UCMA: variants seen among roughly 807,000 people sequenced by gnomAD.
UCMA encodes upper zone of growth plate and cartilage matrix-associated protein.
In UCMA, 21 loss-of-function variants were observed where a neutral mutation model predicts 21.8. The ratio of observed to expected loss-of-function variants is 0.97; its 90% CI spans 0.68 to 1.39. The LOEUF (loss-of-function observed/expected upper bound fraction) is 1.39, where lower values mean the gene tolerates loss of function less well. Ranked by LOEUF, UCMA falls within the 40% of genes most tolerant of loss-of-function variation. UCMA has a pLI of 0.00. For synonymous variants in UCMA, 76 were observed against 67.9 expected (o/e 1.12, Z -0.58); for missense variants, 193 against 178.9 (o/e 1.08, Z -0.45).
Position 13,234,266 on chromosome 10 carries a change from G to A in UCMA, c.-8C>T. 3.1e-6 allele frequency: 5 copies of A among 1,613,666 alleles called. No homozygotes were observed. The highest frequency in any genetic ancestry group is 4.2e-6 in the Non-Finnish European group (5 of 1,179,962). On this transcript the variant is annotated 5_prime_UTR_variant, in exon 1 of 5. Transcript: ENST00000378681. Reference sequence around the variant, plus strand: ...GGCCTGTCTCCAAGTCATCTTTGCAGAGGTAGGGGCTCCGTCCAGGACCCA... The same window carrying A: ...GGCCTGTCTCCAAGTCATCTTTGCAAAGGTAGGGGCTCCGTCCAGGACCCA...
chr10:13,227,358 C>T (rs1240383599), intron 4 of UCMA, among the ~76,000 whole-genome samples: 1 of 152,200 alleles, frequency 6.6e-6, no homozygotes, highest in East Asian at 1.9e-4. Flanking sequence ...AGTTCACGTG[C>T]ACCCAGGAGG....
intron 4 of UCMA, 75 bp from the exon 5 acceptor site, chr10:13,222,275 C>A (rs763807272): frequency 1.6e-5 from 22 of 1,403,506 alleles, no homozygotes; most frequent in Non-Finnish European, 2.0e-5. Flanking sequence ...AGCCATCAGC[C>A]GAACCCCTGC....
intron 4 of UCMA, among the ~76,000 whole-genome samples, chr10:13,223,884 A>G (rs1831889488): frequency 6.6e-6 from 1 of 151,950 alleles, no homozygotes; most frequent in Admixed American, 6.6e-5. Flanking sequence ...ACAAAAAAAA[A>G]AAGAGGTTGC....
chr10:13,222,162 G>A lies in UCMA; in HGVS notation c.358C>T (p.Arg120Cys), dbSNP rs147328988. 1.4e-4 allele frequency: 220 copies of A among 1,614,080 alleles called. 3 individuals are homozygous for A. In the South Asian group the frequency reaches 1.9e-3, roughly 14 times the overall value. Residue 120 changes from arginine (R) to cysteine (C), a missense_variant, in exon 5 of 5, where the codon CGC becomes TGC. Coordinates refer to ENST00000378681, the MANE Select transcript of UCMA (RefSeq NM_145314.3). ...TGCAGGCCGTCATAGTGCCACTGGC[G>A]CCACTGCTCCACAGCCTCCCGGCTC... is the stretch of plus-strand genomic sequence containing the variant. ...ERSREAVEQWRQWHYDGLHPS... is the reference protein window; with the variant it reads ...ERSREAVEQWCQWHYDGLHPS...
At chr10:13,229,146 G>T (rs1834863053) in intron 4 of UCMA, among the ~76,000 whole-genome samples, 1 of 152,022 alleles carries the variant, frequency 6.6e-6, no homozygotes, top group African/African-American at 2.4e-5. Context: ...ATGTTGGCCA[G>T]GTTGGTCTCA....
Position 13,222,096 on chromosome 10 carries a change from G to T in UCMA, c.*7C>A, listed in dbSNP as rs201983627. 1 of 1,614,010 alleles carries T rather than the reference G, an allele frequency of 6.2e-7. No homozygotes were observed. Among genetic ancestry groups the T allele is most frequent in the Non-Finnish European group, 8.5e-7 (1 of 1,179,982 alleles). On this transcript the variant is annotated 3_prime_UTR_variant, in exon 5 of 5. Coordinates refer to ENST00000378681, the MANE Select transcript of UCMA (RefSeq NM_145314.3). The stretch of plus-strand genomic sequence containing the variant: ...GCTTTGTCTTCTTGGCCGGCTTCAG[G>T]ATGGGATCAGGTGTGGTGGCGGTTG...
chr10:13,222,240 A>T lies in UCMA; in HGVS notation c.320-40T>A, dbSNP rs547624060. 3.8e-6 allele frequency: 6 copies of T among 1,566,242 alleles called. No homozygotes were observed. The East Asian group carries it at 1.1e-4, about 29-fold the overall frequency. ...CAAAGCCACCTGTTAGGACAGGGGG[A>T]CTCTGACCTGCCACTGAGCCCAGCA... On this transcript the variant is annotated intron_variant, in intron 4 of 4. Transcript: ENST00000378681.
intron 4 of UCMA, among the ~76,000 whole-genome samples, chr10:13,224,654 C>T (rs1834801153): frequency 6.6e-6 from 1 of 152,196 alleles, no homozygotes; most frequent in Non-Finnish European, 1.5e-5. Flanking sequence ...AAACTGGCAT[C>T]CTCTGTGGCG....
At position 13,234,245 on chromosome 10, in the gene UCMA, T is replaced by G. The variant is rs1588492732; in HGVS notation, c.14A>C (p.Gln5Pro). ...GGAGAAGCAAGACAGCAGGACGGCC[T>G]GTCTCCAAGTCATCTTTGCAGAGGT... MTWR[Q>P]AVLLSCFSAV... is the part of the protein sequence containing the mutation. Residue 5 changes from glutamine to proline, a missense_variant, in exon 1 of 5, where the codon CAG (glutamine) becomes CCG (proline). Gln to Pro is a moderately conservative substitution (Grantham distance 76). Coordinates refer to ENST00000378681, the MANE Select transcript of UCMA (RefSeq NM_145314.3). The G allele has an allele frequency of 6.2e-7, 1 of 1,613,894 alleles. No individual in the cohort carries two copies.
intron 4 of UCMA, among the ~76,000 whole-genome samples, chr10:13,228,731 A>C (rs1834857531): frequency 6.6e-6 from 1 of 152,048 alleles, no homozygotes; most frequent in Non-Finnish European, 1.5e-5. Flanking sequence ...AGCTAAGCCT[A>C]AGTGTTGGTG....
At chr10:13,226,710 G>T (rs4750319) in intron 4 of UCMA, among the ~76,000 whole-genome samples, 3 of 151,930 alleles carry the variant, frequency 2.0e-5, no homozygotes, top group African/African-American at 7.3e-5. Flanking sequence ...CACTTACAGT[G>T]CCTGGCAGAG....
At position 13,233,579 on chromosome 10, in the gene UCMA, C is replaced by A; in HGVS notation, c.179G>T (p.Arg60Met). The A allele has an allele frequency of 6.2e-7, 1 of 1,614,086 alleles. No individual in the cohort carries two copies. The highest frequency in any genetic ancestry group is 1.3e-5 in the African/African-American group (1 of 74,994). ...GGACTTGGGGGACCGCTTGCCGCGC[C>A]TCTTGAGGAAATTCGAGGCATCTGA... The part of the protein sequence containing the change: ...QESDASNFLK[R>M]RGKRSPKSRD... Residue 60 changes from arginine (R) to methionine (M), a missense_variant, in exon 3 of 5, where the codon AGG (arginine) becomes ATG (methionine). Physicochemically the swap from Arg to Met is moderately conservative, Grantham distance 91. Coordinates refer to ENST00000378681, the MANE Select transcript of UCMA (RefSeq NM_145314.3).
rs974712840 is a variant in UCMA, at chr10:13,234,296, G to T, written c.-38C>A. 1.9e-6 allele frequency: 3 copies of T among 1,608,218 alleles called. No individual in the cohort carries two copies. Among genetic ancestry groups the T allele is most frequent in the Admixed American group, 3.4e-5 (2 of 59,334 alleles). On this transcript the variant is annotated 5_prime_UTR_variant, in exon 1 of 5. Coordinates refer to ENST00000378681, the MANE Select transcript of UCMA (RefSeq NM_145314.3). The stretch of plus-strand genomic sequence containing the variant: ...AGGGGCTCCGTCCAGGACCCACAAG[G>T]CAGACCAGGCGTCCTGCACCCTTTG...
rs1834843655 is a variant in UCMA at position 13,227,782 on chromosome 10, T to TCACA, written c.319+1828_319+1829insTGTG. Among the ~76,000 whole-genome samples, 5 of 90,286 alleles carry TCACA rather than the reference T, an allele frequency of 5.5e-5. No homozygotes were observed. The South Asian group carries it at 1.9e-3, about 34-fold the overall frequency. The allele number at this position is 90,286 out of a possible 152,430, so 59.2% of individuals were successfully genotyped here. ...CACACACACACACACACACACACAT[T>TCACA]CTCTGGTATGCTGGTGTGATCCCCA... On this transcript the variant is annotated intron_variant, in intron 4 of 4. Transcript: ENST00000378681.
chr10:13,222,230 G>C (rs778935164), intron 4 of UCMA, 30 bp from the exon 5 acceptor site: 1 of 1,601,526 alleles, frequency 6.2e-7, no homozygotes. Flanking sequence ...CCACCTGTTA[G>C]GACAGGGGGA....
In UCMA at chr10:13,233,480, G is replaced by A. The variant is rs530207876; in HGVS notation, c.220+58C>T. The A allele has an allele frequency of 3.5e-4, 483 of 1,377,926 alleles. 2 individuals are homozygous for A. In the African/African-American group the frequency reaches 5.0e-3, roughly 14 times the overall value. The allele number at this position is 1,377,926 out of a possible 1,614,324, so 85.4% of individuals were successfully genotyped here. ...GGCTGACTGTGGGAGAGGAGGAGCC[G>A]GGGGGTGTGAGCAGAGGTGGTGATG... On this transcript the variant is annotated intron_variant, in intron 3 of 4. Transcript: ENST00000378681.
intron 4 of UCMA, among the ~76,000 whole-genome samples, chr10:13,223,336 A>G (rs572739895): frequency 6.6e-6 from 1 of 152,322 alleles, no homozygotes; most frequent in South Asian, 2.1e-4. Flanking sequence ...CAACAGTTAC[A>G]GCAGCCAAGA....
intron 3 of UCMA, among the ~76,000 whole-genome samples, chr10:13,230,832 G>A (rs925179545): frequency 4.6e-5 from 7 of 152,150 alleles, no homozygotes; most frequent in South Asian, 2.1e-4. Flanking sequence ...CGAGGCGGGC[G>A]GATCACTTGA....
intron 2 of UCMA, 41 bp downstream of exon 2, chr10:13,233,694 G>A: frequency 6.2e-7 from 1 of 1,613,896 alleles, no homozygotes; most frequent in Non-Finnish European, 8.5e-7. Flanking sequence ...CTGCTTCGCT[G>A]GCTGCACCTG....
Sources: gnomAD v4.1 joint callset for allele counts (sites outside exome capture counted in the v4.1 genomes callset) on GRCh38, gnomAD v4.1.1 for gene constraint, MANE v1.5 for transcripts, NCBI Gene and HGNC (gene_info 2026-07-23, HGNC 2026-07-21) for gene names.